CDH13: variants seen among roughly 807,000 people sequenced by gnomAD.
The protein encoded by CDH13 is cadherin 13.
Under a neutral mutation model 63.8 loss-of-function variants are expected in CDH13, and 24 were observed. The observed-to-expected ratio is 0.38, with a 90% confidence interval of 0.27 to 0.53. The LOEUF is 0.53. Among genes scored for constraint, CDH13 ranks in the 20% least tolerant of loss-of-function variants. CDH13 has a pLI of 0.85. For missense variants in CDH13, 1,049 were observed against 903.1 expected (o/e 1.16, Z -2.07); for synonymous variants, 503 against 355.3 (o/e 1.42, Z -4.67).
chr16:82,986,409 A>G (rs1910946348), intron 2 of CDH13, among the ~76,000 whole-genome samples: 1 of 152,242 alleles, frequency 6.6e-6, no homozygotes, highest in South Asian at 2.1e-4. Flanking sequence ...TCATTGTCAC[A>G]AAAGCCCTTT....
intron 5 of CDH13, among the ~76,000 whole-genome samples, chr16:83,292,809 T>C (rs2089496485): frequency 1.3e-5 from 2 of 152,210 alleles, no homozygotes; most frequent in Non-Finnish European, 2.9e-5. Flanking sequence ...AGCTTGATAG[T>C]GCTCTGTTTC....
In CDH13 at chr16:83,124,341, C is replaced by T. The variant is rs61228755; in HGVS notation, c.367-1044C>T. Among the ~76,000 whole-genome samples, 678 of 152,248 alleles carry T rather than the reference C, an allele frequency of 4.5e-3. 6 individuals carry two copies. Among genetic ancestry groups the T allele is most frequent in the African/African-American group, 0.016 (648 of 41,546 alleles). ...GATTATAGGTGTGAGCCACCGCACC[C>T]GGCCTACCCACTTTTAATTGGGTCA... On this transcript the variant is annotated intron_variant, in intron 3 of 13. Coordinates refer to ENST00000567109, the MANE Select transcript of CDH13 (RefSeq NM_001257.5).
chr16:82,662,492 C>G (rs1017326123), intron 1 of CDH13, among the ~76,000 whole-genome samples: 1 of 152,272 alleles, frequency 6.6e-6, no homozygotes, highest in East Asian at 1.9e-4. Context: ...TCTTTAGAGA[C>G]TGGTTAATGG....
chr16:82,652,015 C>T (rs573060773), intron 1 of CDH13, among the ~76,000 whole-genome samples: 39 of 152,356 alleles, frequency 2.6e-4, no homozygotes, highest in Non-Finnish European at 4.1e-4. Flanking sequence ...CTACTAGTTT[C>T]ACTTCTCATT....
At chr16:82,672,729 G>A (rs1397949535) in intron 1 of CDH13, among the ~76,000 whole-genome samples, 1 of 151,040 alleles carries the variant, frequency 6.6e-6, no homozygotes, top group Non-Finnish European at 1.5e-5. Flanking sequence ...TTGGAGGTGG[G>A]GATCTCATGT....
chr16:82,709,241 T>G (rs878880595), intron 1 of CDH13, among the ~76,000 whole-genome samples: 1 of 152,192 alleles, frequency 6.6e-6, no homozygotes, highest in Admixed American at 6.5e-5. Context: ...TACATGGACA[T>G]TATCATCAAA....
At chr16:83,353,303 G>T (rs2090993462) in intron 6 of CDH13, among the ~76,000 whole-genome samples, 1 of 152,248 alleles carries the variant, frequency 6.6e-6, no homozygotes, top group Non-Finnish European at 1.5e-5. Context: ...CACCGGCTCA[G>T]AACCAAGACA....
intron 5 of CDH13, among the ~76,000 whole-genome samples, chr16:83,274,271 A>G (rs982118339): frequency 2.6e-5 from 4 of 152,150 alleles, no homozygotes; most frequent in Non-Finnish European, 5.9e-5. Context: ...GGAGGTGGAG[A>G]GAATGTTCTA....
At chr16:83,340,374 C>T (rs543928281) in intron 5 of CDH13, among the ~76,000 whole-genome samples, 1 of 152,170 alleles carries the variant, frequency 6.6e-6, no homozygotes, top group African/African-American at 2.4e-5. Flanking sequence ...AAACATCTGT[C>T]TTCCTGGCCT....
intron 4 of CDH13, among the ~76,000 whole-genome samples, chr16:83,214,956 C>T (rs979549891): frequency 6.6e-6 from 1 of 151,674 alleles, no homozygotes. Flanking sequence ...AGCTGTGGCT[C>T]TTGACCTCAT....
chr16:83,251,583 G>A (rs1329438526), intron 5 of CDH13, among the ~76,000 whole-genome samples: 2 of 152,210 alleles, frequency 1.3e-5, no homozygotes, highest in African/African-American at 2.4e-5. Flanking sequence ...AATCCTGAAT[G>A]TCAGGAGGCA....
chr16:83,179,801 C>T (rs567954065), intron 4 of CDH13, among the ~76,000 whole-genome samples: 1 of 152,192 alleles, frequency 6.6e-6, no homozygotes, highest in African/African-American at 2.4e-5. Flanking sequence ...GGATAAAATA[C>T]AAATGACTTA....
chr16:83,316,119 G>A (rs562097838), intron 5 of CDH13, among the ~76,000 whole-genome samples: 1 of 151,878 alleles, frequency 6.6e-6, no homozygotes, highest in Non-Finnish European at 1.5e-5. Context: ...AAGGGGAAGA[G>A]CCCCTGATAA....
chr16:83,352,563 C>G lies in CDH13; in HGVS notation c.781+7557C>G, dbSNP rs147248857. Among the ~76,000 whole-genome samples the G allele has an allele frequency of 2.5e-3, 382 of 152,246 alleles. 1 individual carries two copies. Among genetic ancestry groups the G allele is most frequent in the African/African-American group, 8.6e-3 (357 of 41,542 alleles). ...TTCATCACCACACCATACATACATA[C>G]ACACACACAATGGAATACTATTCAG... is the stretch of plus-strand genomic sequence containing the variant. On this transcript the variant is annotated intron_variant, in intron 6 of 13. Coordinates refer to ENST00000567109, the MANE Select transcript of CDH13 (RefSeq NM_001257.5).
At chr16:83,601,935 G>C (rs544247277) in intron 7 of CDH13, among the ~76,000 whole-genome samples, 1 of 151,596 alleles carries the variant, frequency 6.6e-6, no homozygotes, top group African/African-American at 2.4e-5. Flanking sequence ...CCTACTAAAA[G>C]TACAAATATT....
At chr16:82,782,030 C>G (rs780867763) in intron 1 of CDH13, among the ~76,000 whole-genome samples, 1 of 152,188 alleles carries the variant, frequency 6.6e-6, no homozygotes, top group Non-Finnish European at 1.5e-5. Context: ...GGGTGAGGAA[C>G]ACAACAGCAG....
chr16:83,700,712 C>A (rs918999200), intron 10 of CDH13, among the ~76,000 whole-genome samples: 1 of 152,164 alleles, frequency 6.6e-6, no homozygotes, highest in Non-Finnish European at 1.5e-5. Flanking sequence ...AAACATGGAG[C>A]AGCATAAAGA....
At chr16:82,687,452 C>A (rs889251822) in intron 1 of CDH13, among the ~76,000 whole-genome samples, 3 of 152,130 alleles carry the variant, frequency 2.0e-5, no homozygotes, top group South Asian at 2.1e-4. Flanking sequence ...AATGGACTTA[C>A]AGTTCCACAT....
intron 7 of CDH13, among the ~76,000 whole-genome samples, chr16:83,553,542 TG>T (rs2075548326): frequency 6.6e-6 from 1 of 152,152 alleles, no homozygotes; most frequent in South Asian, 2.1e-4. Flanking sequence ...ATCAAAGTGA[TG>T]GGTTTTTTTT....
Sources: allele counts gnomAD v4.1 joint callset (sites outside exome capture counted in the v4.1 genomes callset), GRCh38; gene constraint gnomAD v4.1.1; transcripts MANE v1.5; gene names NCBI Gene and HGNC (gene_info 2026-07-23, HGNC 2026-07-21).